DLG2: variants seen among roughly 807,000 people sequenced by gnomAD.
DLG2 encodes discs large MAGUK scaffold protein 2, also known as disks large homolog 2.
DLG2 carries 45 observed loss-of-function variants against 132.5 expected under a neutral mutation model. That is an observed-to-expected ratio of 0.34 (90% CI 0.27 to 0.44). The LOEUF (loss-of-function observed/expected upper bound fraction) is 0.44, where lower values mean the gene tolerates loss of function less well. DLG2 is among the 20% of genes least tolerant of loss of function. The pLI is 1.00. For missense variants in DLG2, 1,045 were observed against 1,196.9 expected (o/e 0.87, Z 1.87); for synonymous variants, 424 against 419.6 (o/e 1.01, Z -0.13).
intron 7 of DLG2, among the ~76,000 whole-genome samples, chr11:84,454,408 C>A (rs2099059881): frequency 6.6e-6 from 1 of 151,468 alleles, no homozygotes; most frequent in Admixed American, 6.6e-5. Context: ...ATGTTAAATA[C>A]TGCAACCACT....
chr11:85,192,589 G>A (rs568502183), intron 4 of DLG2, among the ~76,000 whole-genome samples: 2 of 152,302 alleles, frequency 1.3e-5, no homozygotes, highest in South Asian at 4.2e-4. Context: ...AAAGTGCTAG[G>A]AAACATGATA....
At chr11:84,590,613 C>T (rs1363458385) in intron 6 of DLG2, among the ~76,000 whole-genome samples, 1 of 152,050 alleles carries the variant, frequency 6.6e-6, no homozygotes, top group Non-Finnish European at 1.5e-5. Context: ...AAATAAAGAT[C>T]TAATTCCAAA....
At chr11:84,108,050 G>A (rs1294979428) in intron 9 of DLG2, among the ~76,000 whole-genome samples, 5 of 152,134 alleles carry the variant, frequency 3.3e-5, no homozygotes, top group African/African-American at 9.7e-5. Flanking sequence ...GGTTTACTTT[G>A]TAAGTGATGA....
chr11:85,342,693 C>G (rs573037853), intron 3 of DLG2, among the ~76,000 whole-genome samples: 1 of 152,118 alleles, frequency 6.6e-6, no homozygotes, highest in African/African-American at 2.4e-5. Flanking sequence ...ACTGGCAGCA[C>G]GGTAGGTTTG....
intron 11 of DLG2, among the ~76,000 whole-genome samples, chr11:84,055,552 C>A (rs2096483849): frequency 6.6e-6 from 1 of 152,046 alleles, no homozygotes; most frequent in Non-Finnish European, 1.5e-5. Context: ...TTATTAGACT[C>A]CTAGAAGTTA....
At chr11:85,351,009 A>G (rs2083248698) in intron 3 of DLG2, among the ~76,000 whole-genome samples, 1 of 152,158 alleles carries the variant, frequency 6.6e-6, no homozygotes, top group African/African-American at 2.4e-5. Flanking sequence ...CAGTATGGCC[A>G]TTTGCATGAT....
At chr11:83,821,700 A>G (rs1432700465) in intron 17 of DLG2, among the ~76,000 whole-genome samples, 1 of 152,236 alleles carries the variant, frequency 6.6e-6, no homozygotes, top group Non-Finnish European at 1.5e-5. Flanking sequence ...AAATAAATCA[A>G]TAAGAGATAT....
intron 15 of DLG2, among the ~76,000 whole-genome samples, chr11:83,920,947 G>A (rs1413259151): frequency 1.3e-5 from 2 of 152,040 alleles, no homozygotes; most frequent in African/African-American, 4.8e-5. Flanking sequence ...GTTTAATGGG[G>A]TGTACTTTTC....
chr11:84,283,061 C>T (rs568337437), intron 7 of DLG2, among the ~76,000 whole-genome samples: 1 of 152,294 alleles, frequency 6.6e-6, no homozygotes, highest in Non-Finnish European at 1.5e-5. Context: ...AGAGTAAACT[C>T]TCTGGAGGGT....
At chr11:84,707,565 A>G (rs1006193956) in intron 6 of DLG2, among the ~76,000 whole-genome samples, 4 of 151,872 alleles carry the variant, frequency 2.6e-5, no homozygotes, top group African/African-American at 9.7e-5. Context: ...CTTATCCATT[A>G]TAAGAGTACA....
chr11:85,103,146 T>C (rs2152283447), intron 6 of DLG2, among the ~76,000 whole-genome samples: 1 of 152,092 alleles, frequency 6.6e-6, no homozygotes, highest in Admixed American at 6.6e-5. Flanking sequence ...AGGACATTCA[T>C]GGATCAGAAG....
At chr11:85,122,969 ATTTT>A (rs1175644391) in intron 5 of DLG2, among the ~76,000 whole-genome samples, 3 of 86,870 alleles carry the variant, frequency 3.5e-5, no homozygotes, top group South Asian at 4.1e-4. Context: ...ATATATATAT[ATTTT>A]TTTTTTTTTT....
chr11:83,588,112 C>A (rs577109331), intron 19 of DLG2, among the ~76,000 whole-genome samples: 2 of 152,246 alleles, frequency 1.3e-5, no homozygotes, highest in East Asian at 1.9e-4. Context: ...CTGGGAAGCT[C>A]GAACTGGGTG....
At chr11:83,986,045 T>G (rs760192080) in intron 11 of DLG2, among the ~76,000 whole-genome samples, 52 of 151,872 alleles carry the variant, frequency 3.4e-4, no homozygotes, top group Non-Finnish European at 5.3e-4. Context: ...TTTAAACCAA[T>G]AGATTTTTTT....
chr11:84,577,022 T>G (rs10898267), intron 6 of DLG2, among the ~76,000 whole-genome samples: 148 of 152,278 alleles, frequency 9.7e-4, no homozygotes, highest in African/African-American at 3.4e-3. Flanking sequence ...CATGCTATTC[T>G]GTGATAGTGA....
At chr11:85,436,739 G>C (rs1351424120) in intron 3 of DLG2, among the ~76,000 whole-genome samples, 1 of 152,236 alleles carries the variant, frequency 6.6e-6, no homozygotes, top group African/African-American at 2.4e-5. Flanking sequence ...GTAGAAGACA[G>C]TGTGGTGATT....
chr11:83,987,023 T>C (rs1400369122), intron 11 of DLG2, among the ~76,000 whole-genome samples: 1 of 152,172 alleles, frequency 6.6e-6, no homozygotes, highest in Non-Finnish European at 1.5e-5. Flanking sequence ...CTGTTCACTC[T>C]GATGGTAGTT....
intron 6 of DLG2, among the ~76,000 whole-genome samples, chr11:84,796,783 T>C (rs1650863140): frequency 6.6e-6 from 1 of 151,938 alleles, no homozygotes; most frequent in Non-Finnish European, 1.5e-5. Flanking sequence ...AGCTCCTTTG[T>C]ATGTTATTTG....
chr11:83,737,125 T>C (rs1329288269), intron 18 of DLG2, among the ~76,000 whole-genome samples: 1 of 152,220 alleles, frequency 6.6e-6, no homozygotes, highest in Non-Finnish European at 1.5e-5. Context: ...CCATGGAAGC[T>C]GTACCTGTTT....
Sources: gnomAD v4.1 joint callset for allele counts (sites outside exome capture counted in the v4.1 genomes callset) on GRCh38, gnomAD v4.1.1 for gene constraint, MANE v1.5 for transcripts, NCBI Gene and HGNC (gene_info 2026-07-23, HGNC 2026-07-21) for gene names.